CHST9: variants seen among roughly 807,000 people sequenced by gnomAD.
CHST9 encodes GalNAc-4-sulfotransferase 2.
Under a neutral mutation model 44.4 loss-of-function variants are expected in CHST9, and 41 were observed. The ratio of observed to expected loss-of-function variants is 0.92; its 90% CI spans 0.72 to 1.20. The LOEUF is 1.20. Among genes scored for constraint, CHST9 ranks in the 50% most tolerant of loss-of-function variants. The pLI is 0.00. For missense variants in CHST9, 504 were observed against 516.5 expected (o/e 0.98, Z 0.23); for synonymous variants, 171 against 178.4 (o/e 0.96, Z 0.33).
intron 1 of CHST9, among the ~76,000 whole-genome samples, chr18:27,153,526 TTCTC>T (rs769722858): frequency 9.0e-4 from 127 of 140,828 alleles, no homozygotes; most frequent in South Asian, 5.6e-3. Flanking sequence ...CTCTCTGTCT[TTCTC>T]TCTCTCTCTC....
intron 2 of CHST9, among the ~76,000 whole-genome samples, chr18:27,113,398 T>G (rs548386982): frequency 1.3e-4 from 20 of 152,308 alleles, no homozygotes; most frequent in South Asian, 6.2e-4. Flanking sequence ...GTTTTTCTAC[T>G]TTAAAAGGAA....
intron 4 of CHST9, among the ~76,000 whole-genome samples, chr18:26,958,402 G>A (rs914354522): frequency 6.6e-5 from 10 of 151,018 alleles, no homozygotes; most frequent in Admixed American, 2.6e-4. Context: ...TAGGAAACAC[G>A]ATTCTAGACA....
At chr18:27,058,958 A>T (rs1312701612) in intron 2 of CHST9, among the ~76,000 whole-genome samples, 2 of 151,892 alleles carry the variant, frequency 1.3e-5, no homozygotes, top group African/African-American at 2.4e-5. Flanking sequence ...ATATATTGAT[A>T]TTTTTTTTCC....
At position 26,910,383 on chromosome 18, in the gene CHST9, T is replaced by C. The variant is rs2055425019; in HGVS notation, c.*5876A>G. The C allele has an allele frequency of 6.6e-6, 1 of 152,174 alleles. No individual in the cohort carries two copies. The allele number at this position is 152,174 out of a possible 1,614,324, so 9.4% of individuals were successfully genotyped here. ...GATAATGTTCAGGAGTTGATTTCCT[T>C]TGGAAGCTTGGCGGGGGAAGGAATA... On this transcript the variant is annotated 3_prime_UTR_variant, in exon 6 of 6. Transcript: ENST00000618847.
At chr18:26,997,937 A>AT (rs892007910) in intron 4 of CHST9, among the ~76,000 whole-genome samples, 5 of 152,238 alleles carry the variant, frequency 3.3e-5, no homozygotes, top group African/African-American at 1.2e-4. Flanking sequence ...ACCACAGCAT[A>AT]TGATGTGGAA....
intron 1 of CHST9, among the ~76,000 whole-genome samples, chr18:27,183,613 C>T (rs1326851263): frequency 6.6e-6 from 1 of 152,146 alleles, no homozygotes; most frequent in African/African-American, 2.4e-5. Flanking sequence ...TGACGATATG[C>T]AATCTAAATG....
intron 2 of CHST9, among the ~76,000 whole-genome samples, chr18:27,110,431 T>C (rs1477314076): frequency 1.3e-5 from 2 of 152,190 alleles, no homozygotes; most frequent in Non-Finnish European, 2.9e-5. Flanking sequence ...GATATTTACT[T>C]TCTCTGAAAG....
At chr18:26,992,829 A>G (rs2056838981) in intron 4 of CHST9, among the ~76,000 whole-genome samples, 1 of 152,226 alleles carries the variant, frequency 6.6e-6, no homozygotes, top group South Asian at 2.1e-4. Flanking sequence ...TAAAAAGAAC[A>G]AGAAGAGAAA....
chr18:27,173,805 TA>T (rs1300698268), intron 1 of CHST9, among the ~76,000 whole-genome samples: 9 of 152,040 alleles, frequency 5.9e-5, no homozygotes, highest in Admixed American at 2.0e-4. Context: ...AATCATAGGA[TA>T]TTTTTTCTAA....
chr18:27,129,381 A>T (rs965834975), intron 2 of CHST9, among the ~76,000 whole-genome samples: 1 of 150,622 alleles, frequency 6.6e-6, no homozygotes, highest in African/African-American at 2.4e-5. Context: ...TATTTTTTTT[A>T]TTTTTATTTT....
chr18:27,096,028 T>G (rs138821280), intron 2 of CHST9, among the ~76,000 whole-genome samples: 251 of 152,192 alleles, frequency 1.6e-3, no homozygotes, highest in African/African-American at 5.7e-3. Flanking sequence ...ATTGACCACA[T>G]GCTCAGCTGT....
intron 4 of CHST9, among the ~76,000 whole-genome samples, chr18:26,961,157 C>G (rs1203576003): frequency 6.6e-6 from 1 of 152,194 alleles, no homozygotes; most frequent in Non-Finnish European, 1.5e-5. Context: ...GAGCCTACAT[C>G]ATTTCCTTTC....
chr18:27,123,181 G>A (rs1316843182), intron 2 of CHST9, among the ~76,000 whole-genome samples: 2 of 152,174 alleles, frequency 1.3e-5, no homozygotes, highest in East Asian at 3.9e-4. Flanking sequence ...GATGCATGCA[G>A]AAACAGGGAA....
At chr18:27,112,578 C>CGT (rs35249332) in intron 2 of CHST9, among the ~76,000 whole-genome samples, 12,953 of 140,376 alleles carry the variant, frequency 0.092, 651 homozygotes, top group East Asian at 0.2. Context: ...GGATATTCAA[C>CGT]GTGTGTGTGT....
At chr18:27,170,974 G>A (rs1189176055) in intron 1 of CHST9, among the ~76,000 whole-genome samples, 2 of 152,204 alleles carry the variant, frequency 1.3e-5, no homozygotes, top group East Asian at 1.9e-4. Context: ...TCAGGCTGGA[G>A]AAAATAGCAC....
At chr18:27,043,114 T>C (rs1026586394) in intron 3 of CHST9, among the ~76,000 whole-genome samples, 2 of 152,068 alleles carry the variant, frequency 1.3e-5, no homozygotes, top group Admixed American at 6.6e-5. Flanking sequence ...AGGACAGCTT[T>C]GATTTATCTT....
At chr18:27,075,628 C>A (rs1278921449) in intron 2 of CHST9, among the ~76,000 whole-genome samples, 1 of 152,110 alleles carries the variant, frequency 6.6e-6, no homozygotes, top group East Asian at 1.9e-4. Context: ...TTGTTTTTAA[C>A]AAAACTTAAA....
intron 2 of CHST9, among the ~76,000 whole-genome samples, chr18:27,086,168 G>A (rs1258291993): frequency 1.3e-5 from 2 of 152,176 alleles, no homozygotes; most frequent in East Asian, 3.8e-4. Flanking sequence ...ATCGGGTACT[G>A]TGATCATTGC....
chr18:27,075,135 A>T, intron 2 of CHST9, among the ~76,000 whole-genome samples: 1 of 149,300 alleles, frequency 6.7e-6, no homozygotes, highest in African/African-American at 2.5e-5. Flanking sequence ...CTCTTATGAG[A>T]GGGTTTTGGG....
Sources: gnomAD v4.1 joint callset for allele counts (sites outside exome capture counted in the v4.1 genomes callset) on GRCh38, gnomAD v4.1.1 for gene constraint, MANE v1.5 for transcripts, NCBI Gene and HGNC (gene_info 2026-07-23, HGNC 2026-07-21) for gene names.